Variants in SMARCC1 observed in about 807,000 individuals in gnomAD.
The protein encoded by SMARCC1 is SWI/SNF complex subunit SMARCC1.
SMARCC1 carries 43 observed loss-of-function variants against 147.4 expected under a neutral mutation model. The observed-to-expected ratio is 0.29, with a 90% confidence interval of 0.23 to 0.38. SMARCC1 has a LOEUF of 0.38. Ranked by LOEUF, SMARCC1 falls within the 10% of genes least tolerant of loss-of-function variation. The probability of loss-of-function intolerance (pLI) is 1.00; values close to 1 mark genes in which losing one functional copy is unlikely to be tolerated. For missense variants in SMARCC1, 1,119 were observed against 1,381.1 expected (o/e 0.81, Z 3.01); for synonymous variants, 495 against 484.4 (o/e 1.02, Z -0.29).
intron 21 of SMARCC1, among the ~76,000 whole-genome samples, chr3:47,649,387 C>T (rs1288374668): frequency 3.9e-5 from 6 of 152,138 alleles, no homozygotes; most frequent in Non-Finnish European, 8.8e-5. Flanking sequence ...GTTACTTCTT[C>T]GGTATTATTT....
At chr3:47,750,117 A>G (rs1407469846) in intron 2 of SMARCC1, among the ~76,000 whole-genome samples, 1 of 151,946 alleles carries the variant, frequency 6.6e-6, no homozygotes. Flanking sequence ...AGTCATTATA[A>G]TTCTGTAGTG....
At chr3:47,700,355 A>G (rs1194070144) in intron 11 of SMARCC1, among the ~76,000 whole-genome samples, 1 of 152,176 alleles carries the variant, frequency 6.6e-6, no homozygotes, top group African/African-American at 2.4e-5. Context: ...AAGATGGGTG[A>G]AGAAGGCTAA....
At chr3:47,763,242 G>T (rs1279223532) in intron 2 of SMARCC1, among the ~76,000 whole-genome samples, 1 of 150,730 alleles carries the variant, frequency 6.6e-6, no homozygotes, top group Non-Finnish European at 1.5e-5. Flanking sequence ...GAGTTCCTGG[G>T]CTCAAGTGAT....
intron 24 of SMARCC1, among the ~76,000 whole-genome samples, chr3:47,634,250 T>TGCGGAGTAA (rs1261549925): frequency 6.6e-6 from 1 of 152,162 alleles, no homozygotes; most frequent in Non-Finnish European, 1.5e-5. Flanking sequence ...CCGGAGTAAC[T>TGCGGAGTAA]CTCTGGGTTG....
At chr3:47,629,973 G>A (rs945936068) in intron 24 of SMARCC1, among the ~76,000 whole-genome samples, 10 of 151,712 alleles carry the variant, frequency 6.6e-5, no homozygotes, top group Non-Finnish European at 1.3e-4. Context: ...CAACAGTGGT[G>A]ACCAGGGTGT....
At chr3:47,773,004 C>A in intron 1 of SMARCC1, 68 bp from the exon 2 acceptor site, 2 of 1,427,112 alleles carry the variant, frequency 1.4e-6, no homozygotes, top group Non-Finnish European at 2.0e-6. Flanking sequence ...GGCTTACTTC[C>A]TAGTACCTAC....
At chr3:47,595,881 C>T (rs1453805937) in intron 26 of SMARCC1, among the ~76,000 whole-genome samples, 1 of 151,606 alleles carries the variant, frequency 6.6e-6, no homozygotes, top group African/African-American at 2.4e-5. Flanking sequence ...ACTACAGGCA[C>T]GTGCCACCAC....
intron 11 of SMARCC1, among the ~76,000 whole-genome samples, chr3:47,694,075 C>T (rs571013074): frequency 6.6e-6 from 1 of 152,162 alleles, no homozygotes; most frequent in Non-Finnish European, 1.5e-5. Flanking sequence ...GACCTTCTTT[C>T]CATGTAAGAA....
At chr3:47,725,774 G>C (rs2034291517) in intron 6 of SMARCC1, among the ~76,000 whole-genome samples, 1 of 151,610 alleles carries the variant, frequency 6.6e-6, no homozygotes. Flanking sequence ...TTAAAATGGT[G>C]AATTTTGCTA....
At chr3:47,755,747 C>T (rs113066251) in intron 2 of SMARCC1, among the ~76,000 whole-genome samples, 7 of 150,474 alleles carry the variant, frequency 4.7e-5, no homozygotes, top group African/African-American at 1.7e-4. Flanking sequence ...AATCCCAGCA[C>T]TTTGGGAGGC....
At chr3:47,775,044 TTC>T (rs1282449651) in intron 1 of SMARCC1, among the ~76,000 whole-genome samples, 2 of 152,172 alleles carry the variant, frequency 1.3e-5, no homozygotes, top group South Asian at 2.1e-4. Flanking sequence ...GTTCAAGTGA[TTC>T]TCTCACTTTG....
At chr3:47,654,809 G>C (rs2033239629) in intron 21 of SMARCC1, among the ~76,000 whole-genome samples, 1 of 152,156 alleles carries the variant, frequency 6.6e-6, no homozygotes, top group South Asian at 2.1e-4. Context: ...AAGAGTGAGA[G>C]TGGAAACTCA....
chr3:47,648,038 A>G (rs549023124), intron 21 of SMARCC1, among the ~76,000 whole-genome samples: 16 of 152,192 alleles, frequency 1.1e-4, no homozygotes, highest in Non-Finnish European at 2.4e-4. Flanking sequence ...TCTGTTGCCC[A>G]GGCTGGAATG....
At chr3:47,635,466 T>C in intron 23 of SMARCC1, 122 bp from the exon 24 acceptor site, 2 of 877,828 alleles carry the variant, frequency 2.3e-6, no homozygotes, top group South Asian at 1.5e-5. Flanking sequence ...TGCCTTTTTC[T>C]TCTTTTTAAG....
intron 26 of SMARCC1, chr3:47,604,220 G>C (rs949763498): frequency 8.8e-6 from 4 of 456,630 alleles, no homozygotes; most frequent in African/African-American, 4.0e-5. Flanking sequence ...AACTGATGGA[G>C]AGTTTTGTAG....
intron 10 of SMARCC1, 60 bp downstream of exon 10, chr3:47,706,347 TAA>T: frequency 9.2e-6 from 13 of 1,412,304 alleles, no homozygotes; most frequent in Non-Finnish European, 1.1e-5. Flanking sequence ...GCTGGGATTA[TAA>T]GTGTAAGCCA....
chr3:47,781,569 T>A, intron 1 of SMARCC1, 34 bp downstream of exon 1: 1 of 1,450,118 alleles, frequency 6.9e-7, no homozygotes, highest in South Asian at 1.4e-5. Context: ...CCCGGTCGCG[T>A]GGTCTCCCGG....
chr3:47,744,543 A>G (rs2034546058), intron 3 of SMARCC1, among the ~76,000 whole-genome samples: 1 of 152,184 alleles, frequency 6.6e-6, no homozygotes, highest in Admixed American at 6.6e-5. Context: ...TCCCAACCAT[A>G]AAGTATTGGG....
At chr3:47,708,205 T>C (rs1227257233) in intron 9 of SMARCC1, among the ~76,000 whole-genome samples, 1 of 142,488 alleles carries the variant, frequency 7.0e-6, no homozygotes, top group Non-Finnish European at 1.5e-5. Context: ...ATTCAAGTGA[T>C]TACGGATCAC....
Sources: allele counts gnomAD v4.1 joint callset (sites outside exome capture counted in the v4.1 genomes callset), GRCh38; gene constraint gnomAD v4.1.1; transcripts MANE v1.5; gene names NCBI Gene and HGNC (gene_info 2026-07-23, HGNC 2026-07-21).